PRORP: variants seen among roughly 807,000 people sequenced by gnomAD.
PRORP encodes mitochondrial ribonuclease P catalytic subunit.
Under a neutral mutation model 59.4 loss-of-function variants are expected in PRORP, and 51 were observed. The observed-to-expected ratio is 0.86, with a 90% CI of 0.69 to 1.08. The LOEUF is 1.08. Ranked by LOEUF, PRORP falls within the 50% of genes least tolerant of loss-of-function variation. The pLI is 0.00. For missense variants in PRORP, 646 were observed against 690.3 expected, an observed-to-expected ratio of 0.94 and a Z score of 0.72; for synonymous variants, 231 against 245.6, an observed-to-expected ratio of 0.94 and a Z score of 0.55.
chr14:35,265,023 A>T (rs1305716575), intron 5 of PRORP, among the ~76,000 whole-genome samples: 1 of 152,190 alleles, frequency 6.6e-6, no homozygotes, highest in Non-Finnish European at 1.5e-5. Flanking sequence ...AAATAAAAAA[A>T]TTCAGCCCTC....
intron 5 of PRORP, among the ~76,000 whole-genome samples, chr14:35,181,660 C>T (rs1276312299): frequency 6.6e-6 from 1 of 151,442 alleles, no homozygotes; most frequent in Non-Finnish European, 1.5e-5. Flanking sequence ...TGGCATGTAC[C>T]TGTAATCCCA....
At position 35,215,707 on chromosome 14, in the gene PRORP, A is replaced by G. The variant is rs146745825; in HGVS notation, c.1275+34930A>G. On this transcript the variant is annotated intron_variant, in intron 5 of 7. Coordinates refer to ENST00000534898, the MANE Select transcript of PRORP (RefSeq NM_014672.4). ...GAATTCCAGGTTTCAGTGAGCTATG[A>G]TTGAGCAATTATTTCACCACTGCAC... Among the ~76,000 whole-genome samples the G allele has an allele frequency of 5.8e-3, 881 of 151,734 alleles. 13 individuals carry two copies. The highest frequency in any genetic ancestry group is 0.019 in the African/African-American group (804 of 41,374).
At chr14:35,178,467 T>G (rs1047194251) in intron 4 of PRORP, among the ~76,000 whole-genome samples, 1 of 152,244 alleles carries the variant, frequency 6.6e-6, no homozygotes, top group Non-Finnish European at 1.5e-5. Context: ...TAGCTCTTCT[T>G]GTTGAATTGA....
intron 5 of PRORP, among the ~76,000 whole-genome samples, chr14:35,250,825 A>G (rs1323013088): frequency 1.3e-5 from 2 of 151,786 alleles, no homozygotes; most frequent in Non-Finnish European, 2.9e-5. Context: ...TTTATTTTTC[A>G]GTCTTTTGGA....
intron 4 of PRORP, among the ~76,000 whole-genome samples, chr14:35,130,302 G>T (rs574471490): frequency 7.8e-4 from 119 of 152,162 alleles, no homozygotes; most frequent in African/African-American, 9.2e-4. Context: ...AAACTGCTGG[G>T]ATTACAGGCG....
chr14:35,185,408 T>G (rs1255396899), intron 5 of PRORP, among the ~76,000 whole-genome samples: 1 of 152,204 alleles, frequency 6.6e-6, no homozygotes, highest in African/African-American at 2.4e-5. Flanking sequence ...AACCTAAATC[T>G]TAACTTTAAA....
In PRORP at chr14:35,215,060, TG is replaced by T. The variant is rs541435045; in HGVS notation, c.1275+34287del. ...AATAAGCTCTGGTTAGGATTTGATG[TG>T]GGGCTTCATTCTCAGCTCTGTTGCT... On this transcript the variant is annotated intron_variant, in intron 5 of 7. Coordinates refer to ENST00000534898, the MANE Select transcript of PRORP (RefSeq NM_014672.4). 3.3e-5 allele frequency among the ~76,000 whole-genome samples: 5 copies of T among 152,274 alleles called. No homozygotes were observed. The South Asian group carries it at 1.0e-3, about 32-fold the overall frequency.
chr14:35,258,383 G>A (rs7157492), intron 5 of PRORP, among the ~76,000 whole-genome samples: 117,303 of 152,002 alleles, frequency 0.77, 45,323 homozygotes, highest in Middle Eastern at 0.83. Flanking sequence ...TAACCCCGAT[G>A]GTAATCAGAA....
intron 5 of PRORP, among the ~76,000 whole-genome samples, chr14:35,189,316 G>A (rs543434690): frequency 1.3e-5 from 2 of 152,020 alleles, no homozygotes; most frequent in African/African-American, 4.8e-5. Flanking sequence ...CAAGTGATCC[G>A]CCTGCTTCAG....
rs936285829 is a variant in PRORP at position 35,274,706 on chromosome 14, C to G, written c.*1140C>G. On this transcript the variant is annotated 3_prime_UTR_variant, in exon 8 of 8. Transcript: ENST00000534898. ...AGCCACAGTGCCCAGCCTCACTTCTCTAGACTATGATGGTTTTTTCTTCAT... is the reference window on the plus strand; with the variant it reads ...AGCCACAGTGCCCAGCCTCACTTCTGTAGACTATGATGGTTTTTTCTTCAT... 3.3e-5 allele frequency: 5 copies of G among 152,174 alleles called. No homozygotes were observed. The highest frequency in any genetic ancestry group is 6.5e-5 in the Admixed American group (1 of 15,272). The allele number at this position is 152,174 out of a possible 1,614,324, so 9.4% of individuals were successfully genotyped here. A position where few individuals can be genotyped will look rare whatever the true frequency, so the allele number is the denominator to read the frequency against.
chr14:35,231,570 T>C (rs558604278), intron 5 of PRORP, among the ~76,000 whole-genome samples: 1 of 152,368 alleles, frequency 6.6e-6, no homozygotes, highest in South Asian at 2.1e-4. Context: ...ATATGGTTAG[T>C]AAGTCCATTT....
chr14:35,165,743 G>C (rs926482527), intron 4 of PRORP, among the ~76,000 whole-genome samples: 1 of 151,658 alleles, frequency 6.6e-6, no homozygotes, highest in Non-Finnish European at 1.5e-5. Context: ...GCAGTGGCAT[G>C]ATCTTGGTTC....
intron 5 of PRORP, among the ~76,000 whole-genome samples, chr14:35,181,783 C>CCAAAAAAAAAAAAAAAAAAA (rs534136447): frequency 9.1e-6 from 1 of 109,400 alleles, no homozygotes. Context: ...AAAACTGTCT[C>CCAAAAAAAAAAAAAAAAAAA]AAAAAAAAAA....
intron 4 of PRORP, among the ~76,000 whole-genome samples, chr14:35,142,789 G>A (rs1392013456): frequency 6.9e-6 from 1 of 144,476 alleles, no homozygotes; most frequent in Non-Finnish European, 1.5e-5. Flanking sequence ...GTTGCAGTGA[G>A]CTGAGATCGC....
chr14:35,266,747 A>G lies in PRORP; in HGVS notation c.1296A>G (p.Gln432=), dbSNP rs199670229. 4.7e-5 allele frequency: 76 copies of G among 1,613,982 alleles called. No individual in the cohort carries two copies. In the East Asian group the frequency reaches 6.7e-4, roughly 14 times the overall value. The change falls in exon 6 of 8, where the codon CAA becomes CAG. Residue 432 remains glutamine, a synonymous_variant. Coordinates refer to ENST00000534898, the MANE Select transcript of PRORP (RefSeq NM_014672.4). The part of the protein sequence containing the change: ...ESQLLLNVVS[Q]LAKRNLRLLV... ...TTTAGCTCTTGAATGTCGTCTCTCA[A>G]CTAGCCAAACGGAATCTGCGACTGC...
At chr14:35,161,362 A>AG (rs2048055741) in intron 4 of PRORP, among the ~76,000 whole-genome samples, 2 of 152,168 alleles carry the variant, frequency 1.3e-5, no homozygotes, top group African/African-American at 4.8e-5. Context: ...TGATCGGTGA[A>AG]GGGGCTTAAA....
intron 4 of PRORP, among the ~76,000 whole-genome samples, chr14:35,174,961 C>T (rs2048410638): frequency 7.2e-6 from 1 of 139,580 alleles, no homozygotes; most frequent in Non-Finnish European, 1.5e-5. Context: ...TCTCATTGTT[C>T]AATTCGCACT....
At chr14:35,221,380 C>G (rs947255108) in intron 5 of PRORP, among the ~76,000 whole-genome samples, 1 of 152,170 alleles carries the variant, frequency 6.6e-6, no homozygotes, top group Non-Finnish European at 1.5e-5. Context: ...TCCCTTTTGC[C>G]TCAAGCTCTA....
chr14:35,225,367 A>G (rs2049907663), intron 5 of PRORP, among the ~76,000 whole-genome samples: 2 of 151,022 alleles, frequency 1.3e-5, no homozygotes, highest in African/African-American at 2.4e-5. Flanking sequence ...TTTTTTTAAG[A>G]TGGAGTTTTG....
Sources: allele counts gnomAD v4.1 joint callset (sites outside exome capture counted in the v4.1 genomes callset), GRCh38; gene constraint gnomAD v4.1.1; transcripts MANE v1.5; gene names NCBI Gene and HGNC (gene_info 2026-07-23, HGNC 2026-07-21).